Variants in ESRRG observed in about 807,000 individuals in gnomAD.
ESRRG encodes estrogen related receptor gamma.
Under a neutral mutation model 44.0 loss-of-function variants are expected in ESRRG, and 13 were observed. That is an observed-to-expected ratio of 0.30 (90% confidence interval 0.19 to 0.47). ESRRG has a LOEUF of 0.47. Ranked by LOEUF, ESRRG falls within the 20% of genes least tolerant of loss-of-function variation. The pLI is 1.00. For missense variants in ESRRG, 395 were observed against 580.6 expected (o/e 0.68, Z 3.29); for synonymous variants, 215 against 214.6 (o/e 1.00, Z -0.02).
chr1:216,783,408 C>T (rs537736439), intron 2 of ESRRG, among the ~76,000 whole-genome samples: 1 of 152,158 alleles, frequency 6.6e-6, no homozygotes, highest in African/African-American at 2.4e-5. Context: ...TGCCTTATAA[C>T]ACAGCTCCTT....
At chr1:216,558,382 C>T (rs772021398) in intron 5 of ESRRG, among the ~76,000 whole-genome samples, 1 of 151,582 alleles carries the variant, frequency 6.6e-6, no homozygotes, top group Non-Finnish European at 1.5e-5. Flanking sequence ...AATGGTCCTG[C>T]CCATGTAGAA....
chr1:216,663,917 A>G (rs2073201716), intron 2 of ESRRG, among the ~76,000 whole-genome samples: 1 of 152,296 alleles, frequency 6.6e-6, no homozygotes, highest in Non-Finnish European at 1.5e-5. Context: ...GAGAACTGAC[A>G]CAGGAAATGG....
intron 5 of ESRRG, among the ~76,000 whole-genome samples, chr1:216,529,282 G>C (rs544165584): frequency 7.5e-4 from 114 of 152,256 alleles, no homozygotes; most frequent in African/African-American, 2.7e-3. Context: ...GTCAGAACCA[G>C]GATCACATTA....
rs142166850 is a variant in ESRRG at position 216,820,307 on chromosome 1, A to G, written c.-14+119275T>C. On this transcript the variant is annotated intron_variant, in intron 2 of 7. Coordinates refer to the ESRRG transcript ENST00000359162. ...TAAGTTTATTCTTACATTCCCCTTT[A>G]AAGACATGAAATAGCTTGAGAAAAA... Among the ~76,000 whole-genome samples the G allele has an allele frequency of 1.8e-3, 270 of 152,304 alleles. 2 individuals carry two copies. The highest frequency in any genetic ancestry group is 6.1e-3 in the African/African-American group (254 of 41,580).
chr1:216,932,515 C>G (rs908673297), intron 2 of ESRRG, among the ~76,000 whole-genome samples: 2 of 151,892 alleles, frequency 1.3e-5, no homozygotes, highest in African/African-American at 4.8e-5. Flanking sequence ...TTTGCGTCCT[C>G]GCACAATTTT....
chr1:216,828,327 G>A (rs1043201092), intron 2 of ESRRG, among the ~76,000 whole-genome samples: 1 of 152,126 alleles, frequency 6.6e-6, no homozygotes. Flanking sequence ...AACCCTGAAA[G>A]TACCTTAATG....
At chr1:217,032,944 C>T (rs551727900) in intron 1 of ESRRG, among the ~76,000 whole-genome samples, 2 of 152,330 alleles carry the variant, frequency 1.3e-5, no homozygotes, top group East Asian at 3.9e-4. Context: ...GCTATCTCCA[C>T]TGATAGCCTT....
chr1:217,076,303 C>A lies in ESRRG; in HGVS notation c.-106+13204G>T, dbSNP rs111541243. On this transcript the variant is annotated intron_variant, in intron 1 of 7. Coordinates refer to the ESRRG transcript ENST00000359162. The stretch of plus-strand genomic sequence containing the variant: ...AAGACACGGCTATGCTTCCAAATGT[C>A]CCCTTTCCCCCCAGATTTGGCTACT... Among the ~76,000 whole-genome samples, 796 of 152,278 alleles carry A rather than the reference C, an allele frequency of 5.2e-3. 7 individuals are homozygous for A. The highest frequency in any genetic ancestry group is 0.019 in the African/African-American group (769 of 41,558).
chr1:216,943,829 G>A (rs1467713063), intron 1 of ESRRG, among the ~76,000 whole-genome samples: 2 of 152,064 alleles, frequency 1.3e-5, no homozygotes. Flanking sequence ...TTGATTATTT[G>A]AAGATTTTTT....
chr1:216,968,766 GAA>G (rs2071009705), intron 1 of ESRRG, among the ~76,000 whole-genome samples: 2 of 149,250 alleles, frequency 1.3e-5, no homozygotes, highest in Non-Finnish European at 3.0e-5. Context: ...CTAACTTGCT[GAA>G]ATTTTGATTG....
At chr1:216,901,244 C>T (rs1182112035) in intron 2 of ESRRG, among the ~76,000 whole-genome samples, 4 of 151,980 alleles carry the variant, frequency 2.6e-5, no homozygotes, top group Non-Finnish European at 5.9e-5. Flanking sequence ...TATGTGGTCC[C>T]CCAAGTAAAG....
At chr1:217,024,815 G>C (rs554387333) in intron 1 of ESRRG, among the ~76,000 whole-genome samples, 1 of 152,260 alleles carries the variant, frequency 6.6e-6, no homozygotes, top group African/African-American at 2.4e-5. Flanking sequence ...TATGAGGGAG[G>C]CACTATTATT....
chr1:216,783,384 G>A (rs929776724), intron 2 of ESRRG, among the ~76,000 whole-genome samples: 3 of 151,972 alleles, frequency 2.0e-5, no homozygotes, highest in Non-Finnish European at 2.9e-5. Flanking sequence ...AATATACATA[G>A]CAACAGTATA....
At chr1:216,982,343 T>C (rs556738059) in intron 1 of ESRRG, among the ~76,000 whole-genome samples, 1 of 152,180 alleles carries the variant, frequency 6.6e-6, no homozygotes, top group South Asian at 2.1e-4. Flanking sequence ...GAGCCAAAAG[T>C]TTTATGTTCT....
upstream of ESRRG, among the ~76,000 whole-genome samples, chr1:217,089,820 C>A (rs11572389): frequency 0.038 from 5,771 of 152,178 alleles, 112 homozygotes; most frequent in Middle Eastern, 0.045. Context: ...GGGGCGCCCA[C>A]GGCTAGCCGG....
intron 2 of ESRRG, chr1:216,805,492 T>C (rs1281618347): frequency 6.6e-6 from 1 of 152,198 alleles, no homozygotes; most frequent in African/African-American, 2.4e-5. Context: ...CATGAACCTA[T>C]GTGAGCATCA....
At chr1:217,106,214 G>C (rs1025653957) in intron 1 of ESRRG, among the ~76,000 whole-genome samples, 17 of 152,268 alleles carry the variant, frequency 1.1e-4, no homozygotes, top group African/African-American at 3.8e-4. Context: ...CATTGTTTTT[G>C]TAAGTAATGG....
chr1:216,937,342 A>C (rs990605514), intron 2 of ESRRG, among the ~76,000 whole-genome samples: 16 of 152,216 alleles, frequency 1.1e-4, no homozygotes, highest in African/African-American at 3.9e-4. Flanking sequence ...TTTTTTCTAA[A>C]GGAAGGGGGT....
At chr1:216,910,859 T>C (rs1397298544) in intron 2 of ESRRG, among the ~76,000 whole-genome samples, 2 of 152,218 alleles carry the variant, frequency 1.3e-5, no homozygotes, top group African/African-American at 2.4e-5. Context: ...CAAAGATCAC[T>C]ACTAAGAAAG....
Sources: gnomAD v4.1 joint callset for allele counts (sites outside exome capture counted in the v4.1 genomes callset) on GRCh38, gnomAD v4.1.1 for gene constraint, MANE v1.5 for transcripts, NCBI Gene and HGNC (gene_info 2026-07-23, HGNC 2026-07-21) for gene names.